DPP10: variants seen among roughly 807,000 people sequenced by gnomAD.
DPP10 encodes dipeptidyl peptidase like 10.
DPP10 carries 33 observed loss-of-function variants against 120.9 expected under a neutral mutation model. The observed-to-expected ratio is 0.27, with a 90% CI of 0.21 to 0.37. The LOEUF is 0.37. DPP10 is among the 10% of genes least tolerant of loss of function. The probability of loss-of-function intolerance (pLI) is 1.00; values close to 1 mark genes in which losing one functional copy is unlikely to be tolerated. For missense variants in DPP10, 816 were observed against 942.8 expected, an observed-to-expected ratio of 0.87 and a Z score of 1.76; for synonymous variants, 337 against 326.1, an observed-to-expected ratio of 1.03 and a Z score of -0.36.
intron 3 of DPP10, among the ~76,000 whole-genome samples, chr2:115,346,950 G>A (rs557411513): frequency 6.6e-6 from 1 of 152,196 alleles, no homozygotes; most frequent in East Asian, 1.9e-4. Flanking sequence ...TATTTATCAA[G>A]CACCTCACTG....
intron 1 of DPP10, among the ~76,000 whole-genome samples, chr2:114,605,718 A>G (rs550214769): frequency 6.6e-5 from 10 of 152,230 alleles, no homozygotes; most frequent in African/African-American, 2.4e-4. Context: ...CTGTCTAGTC[A>G]TCAAATCAAA....
At chr2:115,159,559 AAC>A (rs1306010749) in intron 1 of DPP10, among the ~76,000 whole-genome samples, 2 of 152,226 alleles carry the variant, frequency 1.3e-5, no homozygotes, top group Admixed American at 6.5e-5. Flanking sequence ...AAAAAATAAA[AAC>A]AGTGTTTAAA....
chr2:115,040,761 C>T (rs1274725739), intron 1 of DPP10, among the ~76,000 whole-genome samples: 1 of 152,130 alleles, frequency 6.6e-6, no homozygotes. Flanking sequence ...CCCTCACTCT[C>T]TTCCTCCTGT....
At chr2:114,659,622 A>C (rs562600625) in intron 1 of DPP10, among the ~76,000 whole-genome samples, 2 of 152,198 alleles carry the variant, frequency 1.3e-5, no homozygotes, top group Non-Finnish European at 2.9e-5. Flanking sequence ...CTTTATTAAA[A>C]ATAGTTTATC....
At chr2:115,502,109 A>T (rs529639800) in intron 4 of DPP10, among the ~76,000 whole-genome samples, 1 of 152,202 alleles carries the variant, frequency 6.6e-6, no homozygotes, top group South Asian at 2.1e-4. Context: ...TAAAATTAAG[A>T]TAATTTGACA....
intron 1 of DPP10, among the ~76,000 whole-genome samples, chr2:114,558,330 G>A (rs766987875): frequency 1.8e-4 from 27 of 152,162 alleles, no homozygotes; most frequent in Non-Finnish European, 3.4e-4. Flanking sequence ...AACTAATTGG[G>A]CTCTCTTTCT....
chr2:115,220,701 G>A (rs988470433), intron 1 of DPP10, among the ~76,000 whole-genome samples: 3 of 152,146 alleles, frequency 2.0e-5, no homozygotes, highest in Non-Finnish European at 2.9e-5. Context: ...GCCTAAACTT[G>A]TAGTTCATTT....
chr2:115,063,495 C>G, intron 1 of DPP10, among the ~76,000 whole-genome samples: 1 of 152,254 alleles, frequency 6.6e-6, no homozygotes, highest in Non-Finnish European at 1.5e-5. Context: ...CTGGGGGCAT[C>G]ATGCTACCTG....
intron 1 of DPP10, among the ~76,000 whole-genome samples, chr2:114,465,383 C>T (rs983757211): frequency 2.0e-5 from 3 of 152,160 alleles, no homozygotes; most frequent in Non-Finnish European, 2.9e-5. Context: ...TACCTTGCAT[C>T]CATCATTTCT....
At chr2:115,385,345 G>T (rs1311839271) in intron 3 of DPP10, among the ~76,000 whole-genome samples, 6 of 141,362 alleles carry the variant, frequency 4.2e-5, no homozygotes, top group East Asian at 2.0e-4. Context: ...TCATATTTCT[G>T]TCTTTCTTTT....
intron 4 of DPP10, among the ~76,000 whole-genome samples, chr2:115,507,819 C>G (rs1357485509): frequency 6.6e-6 from 1 of 152,000 alleles, no homozygotes; most frequent in Non-Finnish European, 1.5e-5. Context: ...AACTGAGAGA[C>G]CATTCTGAAG....
At chr2:115,123,643 C>T (rs529964689) in intron 1 of DPP10, among the ~76,000 whole-genome samples, 7 of 152,026 alleles carry the variant, frequency 4.6e-5, no homozygotes, top group Admixed American at 1.3e-4. Context: ...GCTAGGAGAC[C>T]GTCTTTTCCT....
intron 1 of DPP10, among the ~76,000 whole-genome samples, chr2:115,167,904 C>G (rs563847834): frequency 3.3e-5 from 5 of 152,228 alleles, no homozygotes; most frequent in African/African-American, 1.2e-4. Flanking sequence ...CTAATTCTCA[C>G]CAAGAGTTGA....
chr2:114,771,386 T>G (rs1006579596), intron 1 of DPP10, among the ~76,000 whole-genome samples: 23 of 152,208 alleles, frequency 1.5e-4, no homozygotes, highest in African/African-American at 5.3e-4. Context: ...CAAAGCCACC[T>G]GAACATCCCT....
intron 5 of DPP10, among the ~76,000 whole-genome samples, chr2:115,572,022 A>C (rs2081364186): frequency 6.6e-6 from 1 of 152,200 alleles, no homozygotes. Context: ...TGAACAAATC[A>C]AAGCTGTCTA....
intron 1 of DPP10, among the ~76,000 whole-genome samples, chr2:114,781,477 G>T (rs180917002): frequency 6.6e-6 from 1 of 151,888 alleles, no homozygotes; most frequent in Non-Finnish European, 1.5e-5. Flanking sequence ...GGCACAGATA[G>T]ATCCATTATT....
At chr2:115,251,064 A>C (rs956140105) in intron 1 of DPP10, among the ~76,000 whole-genome samples, 2 of 152,150 alleles carry the variant, frequency 1.3e-5, no homozygotes, top group Non-Finnish European at 2.9e-5. Context: ...TACTGTGGGA[A>C]GTGCAGTCAG....
At chr2:114,760,590 A>G (rs1290593886) in intron 1 of DPP10, among the ~76,000 whole-genome samples, 4 of 151,680 alleles carry the variant, frequency 2.6e-5, no homozygotes, top group East Asian at 3.9e-4. Flanking sequence ...ACAAGTACCT[A>G]TCTCTCAAAC....
intron 3 of DPP10, among the ~76,000 whole-genome samples, chr2:115,369,346 A>G (rs993257584): frequency 1.3e-5 from 2 of 152,134 alleles, no homozygotes; most frequent in East Asian, 3.8e-4. Flanking sequence ...GATTATTATA[A>G]TAAAAAAGGC....
Sources: allele counts gnomAD v4.1 joint callset (sites outside exome capture counted in the v4.1 genomes callset), GRCh38; gene constraint gnomAD v4.1.1; transcripts MANE v1.5; gene names NCBI Gene and HGNC (gene_info 2026-07-23, HGNC 2026-07-21).